NLRP8: variants seen among roughly 807,000 people sequenced by gnomAD.
NLRP8 encodes the protein NLR family pyrin domain containing 8.
NLRP8 carries 86 observed loss-of-function variants against 88.7 expected under a neutral mutation model. That is an observed-to-expected ratio of 0.97 (90% confidence interval 0.81 to 1.16). NLRP8 has a LOEUF of 1.16. Ranked by LOEUF, NLRP8 falls within the 50% of genes most tolerant of loss-of-function variation. The probability of loss-of-function intolerance (pLI) is 0.00; values close to 1 mark genes in which losing one functional copy is unlikely to be tolerated. For synonymous variants in NLRP8, 504 were observed against 494.6 expected (o/e 1.02, Z -0.25); for missense variants, 1,342 against 1,286.5 (o/e 1.04, Z -0.66).
At chr19:55,965,455 GA>G (rs200594510) in intron 4 of NLRP8, among the ~76,000 whole-genome samples, 92 of 135,012 alleles carry the variant, frequency 6.8e-4, no homozygotes, top group African/African-American at 1.7e-3. Flanking sequence ...CATCTCACAA[GA>G]AAAAAAAAAA....
intron 8 of NLRP8, among the ~76,000 whole-genome samples, chr19:55,977,210 G>T (rs1159219218): frequency 1.5e-4 from 2 of 13,534 alleles, no homozygotes; most frequent in East Asian, 4.5e-3. Context: ...AGATACATAA[G>T]ATACATATAT....
At chr19:55,986,326 ACACTCT>A (rs1980807016) in intron 9 of NLRP8, among the ~76,000 whole-genome samples, 1 of 145,558 alleles carries the variant, frequency 6.9e-6, no homozygotes, top group Admixed American at 7.0e-5. Flanking sequence ...TCACACACAC[ACACTCT>A]CTGTCTCACA....
At position 55,948,068 on chromosome 19, in the gene NLRP8, T is replaced by G. The variant is rs745631905; in HGVS notation, c.166T>G (p.Phe56Val). 30 of 1,613,876 alleles carry G rather than the reference T, an allele frequency of 1.9e-5. No homozygotes were observed. Among genetic ancestry groups the G allele is most frequent in the Middle Eastern group, 1.6e-4 (1 of 6,082 alleles). Reference sequence around the variant, plus strand: ...CGTGAGCCATGAGGAGCTACAACGGTTCAAGCAGCTCTTACTGACTGAGCT... The same window carrying G: ...CGTGAGCCATGAGGAGCTACAACGGGTCAAGCAGCTCTTACTGACTGAGCT... The change falls in exon 1 of 10, where the codon TTC becomes GTC. Residue 56 changes from phenylalanine (F) to valine (V), a missense_variant. Phe to Val is a conservative substitution (Grantham distance 50). Transcript: ENST00000291971.
intron 5 of NLRP8, 129 bp from the exon 6 acceptor site, chr19:55,970,415 G>A (rs1980022453): frequency 4.9e-5 from 54 of 1,103,458 alleles, no homozygotes; most frequent in Admixed American, 7.0e-5. Flanking sequence ...TGTGCTGGCC[G>A]GAAAGTTGGA....
chr19:55,948,006 C>T lies in NLRP8; in HGVS notation c.104C>T (p.Ser35Phe). 2 of 1,614,054 alleles carry T rather than the reference C, an allele frequency of 1.2e-6. No homozygotes were observed. Among genetic ancestry groups the T allele is most frequent in the Non-Finnish European group, 1.7e-6 (2 of 1,179,994 alleles). ...TGGACATTCTCTTGCTACCCCGGCT[C>T]CCCATGTGAAAATGGGGTCATGCTG... The change falls in exon 1 of 10, where the codon TCC becomes TTC. Residue 35 changes from serine to phenylalanine, a missense_variant. Transcript: ENST00000291971.
intron 7 of NLRP8, 137 bp downstream of exon 7, chr19:55,973,959 G>A: frequency 1.3e-6 from 1 of 749,096 alleles, no homozygotes. Flanking sequence ...GCACTGAGGG[G>A]AAAAGCACAA....
Position 55,952,586 on chromosome 19 carries a change from A to G in NLRP8, c.416A>G (p.Gln139Arg), listed in dbSNP as rs2123184463. ...GAGGACTTGAATGTGGGAGAAACAC[A>G]GGTGAATCTGGAGGAAGGAGAATCT... Residue 139 changes from glutamine to arginine, a missense_variant, in exon 2 of 10, where the codon CAG becomes CGG. Gln to Arg is a conservative substitution (Grantham distance 43, BLOSUM62 1). Coordinates refer to ENST00000291971, the MANE Select transcript of NLRP8 (RefSeq NM_176811.2). 6.2e-7 allele frequency: 1 copy of G among 1,614,042 alleles called. No individual in the cohort carries two copies. The highest frequency in any genetic ancestry group is 1.7e-4 in the Middle Eastern group (1 of 6,060).
In NLRP8 at chr19:55,967,514, A is replaced by C. The variant is rs1010599093; in HGVS notation, c.2381+1134A>C. Among the ~76,000 whole-genome samples, 6 of 152,378 alleles carry C rather than the reference A, an allele frequency of 3.9e-5. No homozygotes were observed. The East Asian group carries it at 5.8e-4, about 15-fold the overall frequency. On this transcript the variant is annotated intron_variant, in intron 5 of 9. Coordinates refer to ENST00000291971, the MANE Select transcript of NLRP8 (RefSeq NM_176811.2). ...TCTCCAGTTCCATCCATGTCGTTGC[A>C]AATGACTGAATCTCATTCTTTTTCA... is the stretch of plus-strand genomic sequence containing the variant.
chr19:55,959,324 G>A (rs905777750), intron 3 of NLRP8, among the ~76,000 whole-genome samples: 3 of 151,482 alleles, frequency 2.0e-5, no homozygotes, highest in African/African-American at 7.3e-5. Flanking sequence ...CCATTCTCCT[G>A]CCTCAGCCTC....
At chr19:55,969,645 T>C (rs147332055) in intron 5 of NLRP8, among the ~76,000 whole-genome samples, 16 of 152,318 alleles carry the variant, frequency 1.1e-4, no homozygotes, top group African/African-American at 3.6e-4. Context: ...CTGGATCGAA[T>C]GGTAGTTCCA....
chr19:55,966,977 C>T (rs1027685449), intron 5 of NLRP8, among the ~76,000 whole-genome samples: 2 of 152,044 alleles, frequency 1.3e-5, no homozygotes, highest in African/African-American at 4.8e-5. Flanking sequence ...TTATGGGGTA[C>T]GTAAGATGTT....
At position 55,966,331 on chromosome 19, in the gene NLRP8, C is replaced by A. The variant is rs199475842; in HGVS notation, c.2332C>A (p.Leu778Ile). 1.8e-4 allele frequency: 286 copies of A among 1,614,124 alleles called. No individual in the cohort carries two copies. The highest frequency in any genetic ancestry group is 3.1e-4 in the East Asian group (14 of 44,870). The stretch of plus-strand genomic sequence containing the variant: ...GGAAGTGGAGTCCAAAGCTGTGAAG[C>A]TTCTATGCAGGGTGCTGAGATCCCC... Residue 778 changes from leucine to isoleucine, a missense_variant, in exon 5 of 10, where the codon CTT (leucine) becomes ATT (isoleucine). Transcript: ENST00000291971.
chr19:55,957,642 C>T (rs951830675), intron 3 of NLRP8, among the ~76,000 whole-genome samples: 15 of 141,400 alleles, frequency 1.1e-4, no homozygotes, highest in Admixed American at 4.3e-4. Flanking sequence ...GCCGAGATCG[C>T]GCCACTATCT....
rs373978698 is a variant in NLRP8, at chr19:55,980,587, C to CGG, written c.3047+1029_3047+1030dup. 5.3e-5 allele frequency among the ~76,000 whole-genome samples: 8 copies of CGG among 151,962 alleles called. 1 individual carries two copies. The East Asian group carries it at 7.7e-4, about 15-fold the overall frequency. ...GGCTCACTTGTGTGGCTGTGGGCGG[C>CGG]GGGGGGGCCTCAGTTGTTCTCCAGG... On this transcript the variant is annotated intron_variant, in intron 9 of 9. Transcript: ENST00000291971.
chr19:55,976,328 G>A (rs753618933), intron 8 of NLRP8, 25 bp downstream of exon 8: 4 of 1,559,394 alleles, frequency 2.6e-6, no homozygotes, highest in Non-Finnish European at 2.6e-6. Context: ...GTCTCCTCCT[G>A]TGAGACCAGG....
In NLRP8 at chr19:55,962,337, A is replaced by T. The variant is rs965588414; in HGVS notation, c.2213+100A>T. 1.3e-5 allele frequency: 17 copies of T among 1,282,966 alleles called. No homozygotes were observed. The African/African-American group carries it at 2.2e-4, about 17-fold the overall frequency. 79.5% of individuals were successfully genotyped at this position (1,282,966 alleles called of 1,614,324 possible). A position where few individuals can be genotyped will look rare whatever the true frequency, so the allele number is the denominator to read the frequency against. On this transcript the variant is annotated intron_variant, in intron 4 of 9. Transcript: ENST00000291971. ...TCTCCACTCACACTAGACTTCCGGA[A>T]AGCACCCATGTCCAGCCTTGGACGG...
Position 55,947,928 on chromosome 19 carries a change from AC to A in NLRP8, c.27del (p.Asp9GlufsTer37). 6.2e-7 allele frequency: 1 copy of A among 1,612,834 alleles called. No homozygotes were observed. The highest frequency in any genetic ancestry group is 2.2e-5 in the East Asian group (1 of 44,838). ...ATGAGTGACGTGAATCCACCCTCTG[AC>A]ACCCCCATTCCCTTTTCATCCTCCT... On this transcript the variant is annotated frameshift_variant, in exon 1 of 10. Coordinates refer to ENST00000291971, the MANE Select transcript of NLRP8 (RefSeq NM_176811.2). LOFTEE classifies it high-confidence loss of function.
At chr19:55,951,495 T>C (rs900064483) in intron 1 of NLRP8, among the ~76,000 whole-genome samples, 1 of 152,210 alleles carries the variant, frequency 6.6e-6, no homozygotes, top group African/African-American at 2.4e-5. Context: ...TGTAGAGATA[T>C]ACACGTGTAT....
intron 9 of NLRP8, among the ~76,000 whole-genome samples, chr19:55,983,206 G>C (rs1980644334): frequency 6.6e-6 from 1 of 152,114 alleles, no homozygotes; most frequent in African/African-American, 2.4e-5. Flanking sequence ...GCTCACTCCT[G>C]TAATCCCAGC....
Sources: gnomAD v4.1 joint callset for allele counts (sites outside exome capture counted in the v4.1 genomes callset) on GRCh38, gnomAD v4.1.1 for gene constraint, MANE v1.5 for transcripts, NCBI Gene and HGNC (gene_info 2026-07-23, HGNC 2026-07-21) for gene names.